KCNMA1: variants seen among roughly 807,000 people sequenced by gnomAD.
The protein encoded by KCNMA1 is Calcium-activated potassium channel subunit alpha-1.
In KCNMA1, 29 loss-of-function variants were observed where a neutral mutation model predicts 140.0. The ratio of observed to expected loss-of-function variants is 0.21; its 90% CI spans 0.15 to 0.28. The LOEUF is 0.28. KCNMA1 is among the 10% of genes least tolerant of loss of function. The pLI is 1.00. For synonymous variants in KCNMA1, 612 were observed against 611.9 expected, an observed-to-expected ratio of 1.00 and a Z score of 0.00; for missense variants, 880 against 1,602.2, an observed-to-expected ratio of 0.55 and a Z score of 7.70.
intron 19 of KCNMA1, among the ~76,000 whole-genome samples, chr10:76,989,539 C>T (rs576833823): frequency 6.6e-6 from 1 of 152,208 alleles, no homozygotes; most frequent in East Asian, 1.9e-4. Context: ...TTCCAATTTC[C>T]TCATTTTACA....
chr10:77,082,217 C>T (rs1254830237), intron 12 of KCNMA1, among the ~76,000 whole-genome samples: 3 of 151,400 alleles, frequency 2.0e-5, no homozygotes, highest in East Asian at 3.9e-4. Flanking sequence ...TTAGTAGATA[C>T]GGGGTTTCAC....
chr10:77,082,982 G>A (rs1231996921), intron 12 of KCNMA1, among the ~76,000 whole-genome samples: 1 of 152,152 alleles, frequency 6.6e-6, no homozygotes, highest in Non-Finnish European at 1.5e-5. Flanking sequence ...GGCCACTGAT[G>A]GAAAGCAAAG....
intron 6 of KCNMA1, among the ~76,000 whole-genome samples, chr10:77,119,475 T>C (rs968177108): frequency 2.0e-5 from 3 of 152,182 alleles, no homozygotes; most frequent in African/African-American, 7.2e-5. Context: ...CAAGGCTCTA[T>C]GCTTGGTGCT....
chr10:76,899,064 A>AATC (rs2043899421), intron 25 of KCNMA1, among the ~76,000 whole-genome samples: 1 of 152,122 alleles, frequency 6.6e-6, no homozygotes, highest in Non-Finnish European at 1.5e-5. Flanking sequence ...CTTTAATACC[A>AATC]ATCACTGGAC....
At chr10:77,147,622 C>A (rs1172531253) in intron 5 of KCNMA1, 1 of 152,228 alleles carries the variant, frequency 6.6e-6, no homozygotes, top group Admixed American at 6.5e-5. Context: ...GTGAATCTAA[C>A]CTCGTCCAAT....
intron 2 of KCNMA1, among the ~76,000 whole-genome samples, chr10:77,367,903 C>T (rs2094461519): frequency 6.6e-6 from 1 of 152,148 alleles, no homozygotes; most frequent in Admixed American, 6.5e-5. Flanking sequence ...TTTGCTACTG[C>T]ATGTATTCAT....
rs1564852548 is a variant in KCNMA1, at chr10:76,911,207, A to ATT, written c.3017-1112_3017-1111insAA. On this transcript the variant is annotated intron_variant, in intron 24 of 27. Transcript: ENST00000286628. ...TTTCTTGATAACTCTTCTTTTTTAAAAAAAAAAAACTTTTGTTTACTGTAT... is the reference window on the plus strand; with the variant it reads ...TTTCTTGATAACTCTTCTTTTTTAAATTAAAAAAAAACTTTTGTTTACTGTAT... The ATT allele has an allele frequency of 5.4e-3, 805 of 150,004 alleles. 3 individuals carry two copies. The highest frequency in any genetic ancestry group is 0.017 in the African/African-American group (668 of 40,282). 9.3% of individuals were successfully genotyped at this position (150,004 alleles called of 1,614,324 possible). A position where few individuals can be genotyped will look rare whatever the true frequency, so the allele number is the denominator to read the frequency against.
At chr10:76,871,212 G>A (rs554793603) in exon 28 of KCNMA1, 1 of 152,852 alleles carries the variant, frequency 6.5e-6, no homozygotes, top group Admixed American at 6.5e-5. Context: ...CACTCCTCTT[G>A]CCTGTGTGGC....
At chr10:76,898,388 A>G (rs1373295276) in intron 25 of KCNMA1, among the ~76,000 whole-genome samples, 1 of 151,902 alleles carries the variant, frequency 6.6e-6, no homozygotes, top group Admixed American at 6.6e-5. Context: ...TAAGGGTAAT[A>G]CGTGAAATAT....
At chr10:77,512,012 G>T (rs2048573334) in intron 1 of KCNMA1, among the ~76,000 whole-genome samples, 1 of 152,186 alleles carries the variant, frequency 6.6e-6, no homozygotes, top group South Asian at 2.1e-4. Flanking sequence ...TGTCAGCCTG[G>T]ATGTTTGATA....
intron 16 of KCNMA1, chr10:77,021,067 A>AT (rs2092782429): frequency 6.6e-6 from 1 of 152,136 alleles, no homozygotes. Flanking sequence ...GTTATCACAG[A>AT]TTTTCTCTAG....
chr10:77,449,385 G>A (rs2097584611), intron 1 of KCNMA1, among the ~76,000 whole-genome samples: 1 of 151,932 alleles, frequency 6.6e-6, no homozygotes, highest in Non-Finnish European at 1.5e-5. Context: ...ATGTTTCTAG[G>A]TTTAAGAATC....
At chr10:77,472,330 C>T (rs1249390460) in intron 1 of KCNMA1, among the ~76,000 whole-genome samples, 1 of 150,358 alleles carries the variant, frequency 6.7e-6, no homozygotes, top group Non-Finnish European at 1.5e-5. Context: ...ACATACTAAA[C>T]ACACATCACA....
In KCNMA1 at chr10:76,975,772, A is replaced by G. The variant is rs539545654; in HGVS notation, c.2267-5705T>C. ...TTTGATAAGCACTGCAGTATTCTTC[A>G]TAAAAATCAACTATAAATCTATTTT... On this transcript the variant is annotated intron_variant, in intron 19 of 27. Coordinates refer to ENST00000286628, the MANE Select transcript of KCNMA1 (RefSeq NM_001161352.2). Among the ~76,000 whole-genome samples, 4 of 152,312 alleles carry G rather than the reference A, an allele frequency of 2.6e-5. No homozygotes were observed. The East Asian group carries it at 7.7e-4, about 29-fold the overall frequency.
At chr10:77,101,213 A>C (rs2097090697) in intron 9 of KCNMA1, among the ~76,000 whole-genome samples, 1 of 152,190 alleles carries the variant, frequency 6.6e-6, no homozygotes. Flanking sequence ...TACCTAGCAC[A>C]TCACATCAGA....
chr10:77,493,353 T>C (rs761630139), intron 1 of KCNMA1, among the ~76,000 whole-genome samples: 5 of 152,216 alleles, frequency 3.3e-5, no homozygotes, highest in Non-Finnish European at 7.3e-5. Flanking sequence ...GTGGTTCGGA[T>C]GGCAGCAAGC....
intron 1 of KCNMA1, among the ~76,000 whole-genome samples, chr10:77,493,640 C>T (rs2040740830): frequency 6.6e-6 from 1 of 152,238 alleles, no homozygotes; most frequent in South Asian, 2.1e-4. Context: ...AATCAATCAA[C>T]GGAGGTGCAC....
Position 76,887,478 on chromosome 10 carries a change from C to T in KCNMA1, c.3499G>A (p.Val1167Met), listed in dbSNP as rs376264061. 33 of 1,613,946 alleles carry T rather than the reference C, an allele frequency of 2.0e-5. No individual in the cohort carries two copies. Among genetic ancestry groups the T allele is most frequent in the African/African-American group, 1.5e-4 (11 of 74,898 alleles). Residue 1167 changes from valine to methionine, a missense_variant, in exon 28 of 28, where the codon GTG (valine) becomes ATG (methionine). By Grantham distance (21) the Val-to-Met change is conservative. Transcript: ENST00000286628. ...AAGCAGAAGATCAGGTCCGTCGGCA[C>T]GAGCTCAAACTCATAGGGCGGGTTG... ...ITNPPYEFEL[V>M]PTDLIFCLMQ...
intron 15 of KCNMA1, among the ~76,000 whole-genome samples, chr10:77,030,391 C>T (rs1015282652): frequency 6.6e-6 from 1 of 152,168 alleles, no homozygotes; most frequent in African/African-American, 2.4e-5. Flanking sequence ...ATAGCTTATG[C>T]AATGTTTATT....
Sources: gnomAD v4.1 joint callset for allele counts (sites outside exome capture counted in the v4.1 genomes callset) on GRCh38, gnomAD v4.1.1 for gene constraint, MANE v1.5 for transcripts, NCBI Gene and HGNC (gene_info 2026-07-23, HGNC 2026-07-21) for gene names.